Variants in SGCZ observed in about 807,000 individuals in gnomAD.
The protein encoded by SGCZ is zeta-sarcoglycan.
A neutral mutation model predicts 41.3 loss-of-function variants in SGCZ; 40 were observed. The ratio of observed to expected loss-of-function variants is 0.97; its 90% CI spans 0.75 to 1.26. The LOEUF is 1.26. SGCZ is among the 50% of genes most tolerant of loss of function. The pLI, the probability that SGCZ is intolerant of heterozygous loss-of-function variation, is 0.00. For missense variants in SGCZ, 552 were observed against 369.8 expected (o/e 1.49, Z -4.04); for synonymous variants, 206 against 137.5 (o/e 1.50, Z -3.49).
intron 1 of SGCZ, among the ~76,000 whole-genome samples, chr8:15,079,123 G>A (rs1385773787): frequency 6.6e-6 from 1 of 151,994 alleles, no homozygotes; most frequent in Non-Finnish European, 1.5e-5. Flanking sequence ...TACATTGTCA[G>A]GCTTTATGAC....
In SGCZ at chr8:14,114,874, T is replaced by C. The variant is rs1802477325; in HGVS notation, c.548-6639A>G. Among the ~76,000 whole-genome samples, 3 of 151,994 alleles carry C rather than the reference T, an allele frequency of 2.0e-5. No homozygotes were observed. The South Asian group carries it at 6.2e-4, about 31-fold the overall frequency. ...GGAAAAGCTCTTCATTTATTATTTC[T>C]ATTCCTTTTAGTCAACAATAAGAGT... On this transcript the variant is annotated intron_variant, in intron 5 of 7. Coordinates refer to ENST00000382080, the MANE Select transcript of SGCZ (RefSeq NM_139167.4).
chr8:15,075,629 C>G (rs147728619), intron 1 of SGCZ, among the ~76,000 whole-genome samples: 5 of 152,094 alleles, frequency 3.3e-5, no homozygotes, highest in African/African-American at 1.2e-4. Context: ...CAAGAGAGTT[C>G]TATCAGATCA....
chr8:14,272,068 A>G (rs1800084179), intron 3 of SGCZ, among the ~76,000 whole-genome samples: 1 of 152,284 alleles, frequency 6.6e-6, no homozygotes, highest in South Asian at 2.1e-4. Context: ...CAGTGGCACA[A>G]TCTTGGCTCA....
Position 14,990,611 on chromosome 8 carries a change from A to C in SGCZ, c.39+246974T>G, listed in dbSNP as rs182114197. Among the ~76,000 whole-genome samples, 426 of 152,182 alleles carry C rather than the reference A, an allele frequency of 2.8e-3. 3 individuals are homozygous for C. The highest frequency in any genetic ancestry group is 9.8e-3 in the African/African-American group (408 of 41,484). On this transcript the variant is annotated intron_variant, in intron 1 of 7. Coordinates refer to ENST00000382080, the MANE Select transcript of SGCZ (RefSeq NM_139167.4). ...TCATCACCCCTAGATGAGACCATCTAGTTGCAGGAAATCGAGATCATGGCT... is the reference window on the plus strand; with the variant it reads ...TCATCACCCCTAGATGAGACCATCTCGTTGCAGGAAATCGAGATCATGGCT...
At chr8:14,142,948 C>A (rs1206253776) in intron 5 of SGCZ, among the ~76,000 whole-genome samples, 2 of 151,586 alleles carry the variant, frequency 1.3e-5, no homozygotes, top group African/African-American at 4.9e-5. Flanking sequence ...CAGTATGCTT[C>A]CTGTATAGCC....
At position 14,760,927 on chromosome 8, in the gene SGCZ, A is replaced by G. The variant is rs541184071; in HGVS notation, c.40-206001T>C. ...TAACTGGCAAAGGTCTCAGAAGCTC[A>G]AGGTATATTTGGGTGAATGTGGGTT... On this transcript the variant is annotated intron_variant, in intron 1 of 7. Transcript: ENST00000382080. 5.3e-5 allele frequency among the ~76,000 whole-genome samples: 8 copies of G among 152,314 alleles called. No homozygotes were observed. The South Asian group carries it at 1.7e-3, about 32-fold the overall frequency.
chr8:15,163,942 G>A (rs929096116), intron 1 of SGCZ, among the ~76,000 whole-genome samples: 3 of 152,250 alleles, frequency 2.0e-5, no homozygotes, highest in Admixed American at 6.5e-5. Context: ...GCCTCAGAAA[G>A]TTCAGGACGT....
chr8:14,685,036 T>G (rs1441366036), intron 1 of SGCZ, among the ~76,000 whole-genome samples: 2 of 152,202 alleles, frequency 1.3e-5, no homozygotes, highest in East Asian at 3.8e-4. Flanking sequence ...ACCATTAATT[T>G]GAAATCTGTA....
At chr8:14,577,275 G>C (rs1486275316) in intron 1 of SGCZ, among the ~76,000 whole-genome samples, 1 of 151,350 alleles carries the variant, frequency 6.6e-6, no homozygotes, top group African/African-American at 2.4e-5. Context: ...TCGAATACAA[G>C]TATGTCATAA....
chr8:14,263,088 T>C (rs1799730854), intron 3 of SGCZ, among the ~76,000 whole-genome samples: 2 of 152,216 alleles, frequency 1.3e-5, no homozygotes, highest in South Asian at 4.1e-4. Context: ...GCATTAGTTT[T>C]TGTTTCCACT....
Position 14,085,859 on chromosome 8 carries a change from A to G in SGCZ, c.*4584T>C, listed in dbSNP as rs1038680884. 1.3e-5 allele frequency among the ~76,000 whole-genome samples: 2 copies of G among 151,784 alleles called. No homozygotes were observed. The highest frequency in any genetic ancestry group is 2.9e-5 in the Non-Finnish European group (2 of 67,818). The stretch of plus-strand genomic sequence containing the variant: ...GTTATAATTATAAGCCCCCCTATTC[A>G]TTTGAATAAATTAGTAGGAGCAGCA... On this transcript the variant is annotated 3_prime_UTR_variant, in exon 8 of 8. Transcript: ENST00000382080.
At chr8:14,111,642 A>G (rs1004268056) in intron 5 of SGCZ, among the ~76,000 whole-genome samples, 2 of 152,186 alleles carry the variant, frequency 1.3e-5, no homozygotes, top group Non-Finnish European at 2.9e-5. Flanking sequence ...ACTCACTACA[A>G]TGTTACAAGA....
intron 1 of SGCZ, among the ~76,000 whole-genome samples, chr8:15,085,712 T>C (rs1042153046): frequency 6.6e-6 from 1 of 152,128 alleles, no homozygotes; most frequent in Non-Finnish European, 1.5e-5. Context: ...CCCACCAACT[T>C]TGCTACTCTT....
intron 1 of SGCZ, among the ~76,000 whole-genome samples, chr8:14,669,707 C>T (rs918135605): frequency 1.3e-3 from 199 of 151,608 alleles, no homozygotes; most frequent in African/African-American, 3.6e-3. Context: ...CACACACACA[C>T]ACACACACAC....
intron 2 of SGCZ, among the ~76,000 whole-genome samples, chr8:14,412,751 T>C (rs1799394826): frequency 2.0e-5 from 3 of 151,970 alleles, no homozygotes; most frequent in Non-Finnish European, 4.4e-5. Context: ...AAAAGCTCAC[T>C]AATAATGCGC....
At chr8:14,647,703 T>G (rs1243294432) in intron 1 of SGCZ, among the ~76,000 whole-genome samples, 1 of 152,018 alleles carries the variant, frequency 6.6e-6, no homozygotes, top group East Asian at 1.9e-4. Context: ...TAAATATATA[T>G]GTAGGTATAC....
intron 5 of SGCZ, among the ~76,000 whole-genome samples, chr8:14,142,306 T>TA (rs1255029859): frequency 1.3e-5 from 2 of 152,130 alleles, no homozygotes; most frequent in African/African-American, 2.4e-5. Flanking sequence ...CCCTGGAACT[T>TA]AGAGTATAAT....
intron 5 of SGCZ, among the ~76,000 whole-genome samples, chr8:14,130,821 C>G (rs1316800663): frequency 1.3e-5 from 2 of 152,186 alleles, no homozygotes; most frequent in Admixed American, 6.5e-5. Context: ...GAGGCTCTAG[C>G]TTCCCTTTTC....
intron 1 of SGCZ, among the ~76,000 whole-genome samples, chr8:14,937,122 A>G (rs1800107767): frequency 6.6e-6 from 1 of 151,930 alleles, no homozygotes; most frequent in Non-Finnish European, 1.5e-5. Flanking sequence ...TAAATACACT[A>G]ATAAACTTAA....
Sources: gnomAD v4.1 joint callset for allele counts (sites outside exome capture counted in the v4.1 genomes callset) on GRCh38, gnomAD v4.1.1 for gene constraint, MANE v1.5 for transcripts, NCBI Gene and HGNC (gene_info 2026-07-23, HGNC 2026-07-21) for gene names.